The following RSPO2 variants were observed in gnomAD, a reference collection of about 807,000 sequenced individuals.
RSPO2 encodes R-spondin 2.
A neutral mutation model predicts 30.9 loss-of-function variants in RSPO2; 14 were observed. The ratio of observed to expected loss-of-function variants is 0.45; its 90% CI spans 0.30 to 0.71. The LOEUF (loss-of-function observed/expected upper bound fraction) is 0.71. Ranked by LOEUF, RSPO2 falls within the 30% of genes least tolerant of loss-of-function variation. The pLI is 0.08. For missense variants in RSPO2, 264 were observed against 301.9 expected (o/e 0.87, Z 0.93); for synonymous variants, 107 against 96.4 (o/e 1.11, Z -0.64).
chr8:107,983,431 G>A, intron 3 of RSPO2: 1 of 1,601,660 alleles, frequency 6.2e-7, no homozygotes, highest in Non-Finnish European at 8.5e-7. Flanking sequence ...CAAACCCTCT[G>A]TAGAGGATGC....
chr8:107,935,545 C>T (rs1812695299), intron 5 of RSPO2, among the ~76,000 whole-genome samples: 1 of 151,880 alleles, frequency 6.6e-6, no homozygotes, highest in African/African-American at 2.4e-5. Context: ...TAAGAAGACA[C>T]GAAGGCTCAG....
At chr8:107,921,345 A>G (rs1158354685) in intron 5 of RSPO2, among the ~76,000 whole-genome samples, 1 of 151,558 alleles carries the variant, frequency 6.6e-6, no homozygotes, top group Non-Finnish European at 1.5e-5. Flanking sequence ...GAAAAAATTT[A>G]CTCTTCCATT....
chr8:108,018,579 A>G (rs945542066), intron 2 of RSPO2, among the ~76,000 whole-genome samples: 1 of 152,228 alleles, frequency 6.6e-6, no homozygotes, highest in Admixed American at 6.5e-5. Context: ...AAAAATACAG[A>G]CATTATCCAG....
intron 2 of RSPO2, among the ~76,000 whole-genome samples, chr8:108,075,780 A>AT (rs530462299): frequency 6.7e-4 from 102 of 152,216 alleles, no homozygotes; most frequent in African/African-American, 2.3e-3. Context: ...AAGAACTTCA[A>AT]TTTTTAAAAA....
chr8:107,933,411 C>G (rs986215412), intron 5 of RSPO2, among the ~76,000 whole-genome samples: 19 of 152,058 alleles, frequency 1.2e-4, no homozygotes, highest in Admixed American at 1.2e-3. Flanking sequence ...CTTCTATGCT[C>G]ATAAAAATGT....
chr8:107,979,224 G>A (rs190018496), intron 3 of RSPO2, among the ~76,000 whole-genome samples: 72 of 152,208 alleles, frequency 4.7e-4, no homozygotes, highest in African/African-American at 1.5e-3. Context: ...ATAAAGACAC[G>A]TGCACACGTA....
At chr8:107,931,311 G>A (rs1373146720) in intron 5 of RSPO2, among the ~76,000 whole-genome samples, 3 of 152,020 alleles carry the variant, frequency 2.0e-5, no homozygotes, top group Non-Finnish European at 4.4e-5. Context: ...CATATCAATA[G>A]CTTTGGAGTA....
intron 2 of RSPO2, among the ~76,000 whole-genome samples, chr8:108,062,236 A>G (rs186843244): frequency 2.0e-5 from 3 of 151,894 alleles, no homozygotes; most frequent in Non-Finnish European, 2.9e-5. Context: ...AAAAAAATCA[A>G]TGAATCCAGG....
chr8:108,036,244 T>A (rs1381400410), intron 2 of RSPO2, among the ~76,000 whole-genome samples: 2 of 152,226 alleles, frequency 1.3e-5, no homozygotes, highest in African/African-American at 4.8e-5. Flanking sequence ...AATGCTTATT[T>A]ACCATTCCAA....
chr8:108,000,041 C>T (rs1815181035), intron 2 of RSPO2, among the ~76,000 whole-genome samples: 1 of 152,196 alleles, frequency 6.6e-6, no homozygotes, highest in Non-Finnish European at 1.5e-5. Context: ...GCTTCAAAGT[C>T]TGATTTAATT....
rs375074545 is a variant in RSPO2, at chr8:107,952,796, CAT to C, written c.616+5282_616+5283del. ...GTCAGTTTATACACACACGAAAAAA[CAT>C]AGGTTTGGAGAAGTCTTACTACTAC... On this transcript the variant is annotated intron_variant, in intron 5 of 5. Coordinates refer to ENST00000276659, the MANE Select transcript of RSPO2 (RefSeq NM_178565.5). Among the ~76,000 whole-genome samples the C allele has an allele frequency of 9.2e-5, 14 of 152,222 alleles. No individual in the cohort carries two copies. The East Asian group carries it at 1.7e-3, about 19-fold the overall frequency.
rs117511430 is a variant in RSPO2 at position 108,057,627 on chromosome 8, G to A, written c.94+24918C>T. On this transcript the variant is annotated intron_variant, in intron 2 of 5. Transcript: ENST00000276659. ...CAGGAGGCATATAAATGACATCAAT[G>A]GCTGACCCCAAATAGTGGATACAGA... is the stretch of plus-strand genomic sequence containing the variant. Among the ~76,000 whole-genome samples, 241 of 151,950 alleles carry A rather than the reference G, an allele frequency of 1.6e-3. 1 individual carries two copies. Among genetic ancestry groups the A allele is most frequent in the Non-Finnish European group, 2.9e-3 (198 of 67,808 alleles).
chr8:108,040,445 A>T (rs868672247), intron 2 of RSPO2, among the ~76,000 whole-genome samples: 1 of 152,072 alleles, frequency 6.6e-6, no homozygotes, highest in Non-Finnish European at 1.5e-5. Context: ...GTACAGGGGG[A>T]AAAAACCCAA....
chr8:108,010,848 A>G (rs1204594732), intron 2 of RSPO2, among the ~76,000 whole-genome samples: 1 of 152,178 alleles, frequency 6.6e-6, no homozygotes, highest in East Asian at 1.9e-4. Context: ...AAGACACAAG[A>G]TTAATTTACC....
intron 3 of RSPO2, among the ~76,000 whole-genome samples, chr8:107,969,808 C>A (rs1003998826): frequency 6.6e-6 from 1 of 152,042 alleles, no homozygotes; most frequent in African/African-American, 2.4e-5. Context: ...TAAATTCCTG[C>A]CATTATTAGA....
At chr8:108,065,298 A>T (rs1324903512) in intron 2 of RSPO2, among the ~76,000 whole-genome samples, 1 of 151,770 alleles carries the variant, frequency 6.6e-6, no homozygotes, top group African/African-American at 2.4e-5. Flanking sequence ...TGAAAAAAAA[A>T]AAAAAAAAGA....
chr8:107,960,595 A>T (rs924828296), intron 4 of RSPO2, 79 bp downstream of exon 4: 56 of 1,315,892 alleles, frequency 4.3e-5, no homozygotes, highest in Non-Finnish European at 5.8e-5. Flanking sequence ...TAGTTTAAAT[A>T]TATCCAGCAT....
At position 108,082,559 on chromosome 8, in the gene RSPO2, C is replaced by A. The variant is rs770791000; in HGVS notation, c.80G>T (p.Arg27Ile). The change falls in exon 2 of 6, where the codon AGA becomes ATA. Residue 27 changes from arginine to isoleucine, a missense_variant. Transcript: ENST00000276659. ...GAGGGACCCACCTCGCTTACTGCGT[C>A]TCCATCGGTTGCCTTGGCAGTGGCT... ...DYSHCQGNRW[R>I]RSKRASYVSN... The A allele has an allele frequency of 1.9e-6, 3 of 1,613,964 alleles. No individual in the cohort carries two copies. In the Admixed American group the frequency reaches 5.0e-5, roughly 27 times the overall value.
At chr8:108,036,863 T>C (rs1030094778) in intron 2 of RSPO2, among the ~76,000 whole-genome samples, 1 of 152,188 alleles carries the variant, frequency 6.6e-6, no homozygotes, top group African/African-American at 2.4e-5. Context: ...CTGTGTTCAG[T>C]GATCTTTGAT....
Sources: gnomAD v4.1 joint callset for allele counts (sites outside exome capture counted in the v4.1 genomes callset) on GRCh38, gnomAD v4.1.1 for gene constraint, MANE v1.5 for transcripts, NCBI Gene and HGNC (gene_info 2026-07-23, HGNC 2026-07-21) for gene names.